TUBGCP3: variants seen among roughly 807,000 people sequenced by gnomAD.
TUBGCP3 encodes the protein gamma-tubulin complex component 3.
TUBGCP3 carries 50 observed loss-of-function variants against 123.1 expected under a neutral mutation model. The ratio of observed to expected loss-of-function variants is 0.41; its 90% CI spans 0.32 to 0.51. TUBGCP3 has a LOEUF of 0.51. TUBGCP3 is among the 20% of genes least tolerant of loss of function. The probability of loss-of-function intolerance (pLI) is 0.36; values close to 1 mark genes in which losing one functional copy is unlikely to be tolerated. For synonymous variants in TUBGCP3, 405 were observed against 413.9 expected, an observed-to-expected ratio of 0.98 and a Z score of 0.26; for missense variants, 882 against 1,127.0, an observed-to-expected ratio of 0.78 and a Z score of 3.11.
rs1395008363 is a variant in TUBGCP3, at chr13:112,556,145, T to C, written c.628A>G (p.Asn210Asp). Residue 210 changes from asparagine (N) to aspartate (D), a missense_variant, in exon 6 of 22, where the codon AAT becomes GAT. Transcript: ENST00000261965. ...GSRLAWTLTA[N>D]QPSSQATTSK... ...GTAGTGGCTTGTGAAGAAGGCTGAT[T>C]TGCAGTTAAAGTCCATGCGAGTCGT... 1 of 1,614,144 alleles carries C rather than the reference T, an allele frequency of 6.2e-7. No homozygotes were observed. The highest frequency in any genetic ancestry group is 8.5e-7 in the Non-Finnish European group (1 of 1,180,012).
intron 17 of TUBGCP3, among the ~76,000 whole-genome samples, chr13:112,505,397 T>A (rs1881222526): frequency 6.6e-6 from 1 of 152,200 alleles, no homozygotes; most frequent in African/African-American, 2.4e-5. Context: ...ATAACACGGG[T>A]CAGCTTGGAC....
chr13:112,527,147 A>C, intron 12 of TUBGCP3, 97 bp from the exon 13 acceptor site: 1 of 1,091,184 alleles, frequency 9.2e-7, no homozygotes, highest in Non-Finnish European at 1.3e-6. Context: ...CTATTGATTG[A>C]AAACTAACAA....
rs560771695 is a variant in TUBGCP3, at chr13:112,588,145, C to G, written c.-165G>C. 2.0e-6 allele frequency: 1 copy of G among 508,882 alleles called. No homozygotes were observed. Among genetic ancestry groups the G allele is most frequent in the South Asian group, 4.5e-5 (1 of 22,122 alleles). The allele number at this position is 508,882 out of a possible 1,614,324, so 31.5% of individuals were successfully genotyped here. On this transcript the variant is annotated 5_prime_UTR_variant, in exon 1 of 22. Coordinates refer to ENST00000261965, the MANE Select transcript of TUBGCP3 (RefSeq NM_006322.6). ...AGGGCGCCATTTTAACGGAACCCGC[C>G]GAAAGCGCGGGCGCTTCCCACAATG...
At chr13:112,586,016 C>T (rs1031778151) in intron 1 of TUBGCP3, among the ~76,000 whole-genome samples, 1 of 151,796 alleles carries the variant, frequency 6.6e-6, no homozygotes, top group Non-Finnish European at 1.5e-5. Flanking sequence ...GAGGCGGGTG[C>T]ATCACGAGGT....
intron 8 of TUBGCP3, 60 bp downstream of exon 8, chr13:112,553,997 C>A: frequency 6.4e-7 from 1 of 1,574,310 alleles, no homozygotes; most frequent in Non-Finnish European, 8.6e-7. Context: ...AAGATTTCAA[C>A]TAGAGTAAGC....
rs575827375 is a variant in TUBGCP3, at chr13:112,508,814, C to A, written c.2087-4100G>T. On this transcript the variant is annotated intron_variant, in intron 17 of 21. Coordinates refer to ENST00000261965, the MANE Select transcript of TUBGCP3 (RefSeq NM_006322.6). The surrounding 1 kb of genome is among the most constrained non-coding windows in gnomAD (Gnocchi z 4.2). The stretch of plus-strand genomic sequence containing the variant: ...GTCAGAGACCCAGGTGCCACTGAGA[C>A]TCCAACCACCTCCTGGCCTCCGTAC... 1.6e-4 allele frequency among the ~76,000 whole-genome samples: 24 copies of A among 152,256 alleles called. No individual in the cohort carries two copies. In the South Asian group the frequency reaches 2.7e-3, roughly 17 times the overall value.
At chr13:112,579,335 C>T (rs982947508) in intron 1 of TUBGCP3, among the ~76,000 whole-genome samples, 1 of 151,642 alleles carries the variant, frequency 6.6e-6, no homozygotes, top group Non-Finnish European at 1.5e-5. Flanking sequence ...GACAGTGGGG[C>T]CACGGCATCC....
chr13:112,539,317 C>T (rs1013702612), intron 11 of TUBGCP3, among the ~76,000 whole-genome samples: 4 of 152,142 alleles, frequency 2.6e-5, no homozygotes, highest in African/African-American at 9.7e-5. Flanking sequence ...AGACCCAAAT[C>T]AGACTTCAGA....
At position 112,545,915 on chromosome 13, in the gene TUBGCP3, A is replaced by G; in HGVS notation, c.1169-50T>C. ...CAAAAACATCCACATTTACACTCAT[A>G]GTACACACCAGTCACTTCTCACCAA... On this transcript the variant is annotated intron_variant, in intron 10 of 21. Transcript: ENST00000261965. This position sits in a 1 kb window ranked among gnomAD's most constrained non-coding sequence, Gnocchi z 4.1. 1.9e-6 allele frequency: 3 copies of G among 1,576,822 alleles called. No homozygotes were observed. The highest frequency in any genetic ancestry group is 1.1e-5 in the South Asian group (1 of 89,366).
chr13:112,585,402 A>G (rs12871552), intron 1 of TUBGCP3, among the ~76,000 whole-genome samples: 26 of 152,372 alleles, frequency 1.7e-4, no homozygotes, highest in Non-Finnish European at 2.9e-4. Context: ...TAAATGCTTG[A>G]CAATCCTAGC....
At chr13:112,557,729 A>G (rs548177909) in intron 5 of TUBGCP3, among the ~76,000 whole-genome samples, 5 of 152,362 alleles carry the variant, frequency 3.3e-5, no homozygotes, top group African/African-American at 7.2e-5. Flanking sequence ...ATCTTAATTC[A>G]TATGCACTAA....
intron 1 of TUBGCP3, 96 bp from the exon 2 acceptor site, chr13:112,569,355 T>G (rs1881225881): frequency 2.8e-6 from 3 of 1,060,080 alleles, no homozygotes; most frequent in Non-Finnish European, 4.2e-6. Context: ...AGTAATAACA[T>G]CTATCTTCCA....
chr13:112,581,048 C>T (rs973259811), intron 1 of TUBGCP3, among the ~76,000 whole-genome samples: 2 of 152,008 alleles, frequency 1.3e-5, no homozygotes, highest in African/African-American at 4.8e-5. Context: ...ATCACACTCA[C>T]AACAGAACCC....
At chr13:112,549,432 A>G (rs533057240) in intron 8 of TUBGCP3, among the ~76,000 whole-genome samples, 1 of 152,308 alleles carries the variant, frequency 6.6e-6, no homozygotes, top group South Asian at 2.1e-4. Context: ...ATGTATACAT[A>G]TGTAACAAAC....
At chr13:112,497,612 G>A (rs950843150) in intron 20 of TUBGCP3, among the ~76,000 whole-genome samples, 12 of 152,206 alleles carry the variant, frequency 7.9e-5, no homozygotes, top group Admixed American at 5.2e-4. Flanking sequence ...GAAACGCATC[G>A]TTAGGTGATT....
At chr13:112,486,634 G>A (rs1879689816) in intron 21 of TUBGCP3, among the ~76,000 whole-genome samples, 1 of 152,262 alleles carries the variant, frequency 6.6e-6, no homozygotes, top group Non-Finnish European at 1.5e-5. Context: ...ACGTGAGGCT[G>A]CAGCCGCCCT....
chr13:112,552,359 A>G (rs186301567), intron 8 of TUBGCP3, among the ~76,000 whole-genome samples: 1 of 152,358 alleles, frequency 6.6e-6, no homozygotes, highest in East Asian at 1.9e-4. Flanking sequence ...CTTCGGGAAA[A>G]GGGACAGGGA....
the TUBGCP3 span, among the ~76,000 whole-genome samples, chr13:112,595,285 C>G: frequency 5.5e-4 from 83 of 152,242 alleles, no homozygotes; most frequent in East Asian, 0.015. Context: ...CAAGCTCCAC[C>G]TCCCGGGTTC....
chr13:112,544,228 CAG>C (rs1878777696), intron 11 of TUBGCP3, among the ~76,000 whole-genome samples: 1 of 151,944 alleles, frequency 6.6e-6, no homozygotes, highest in Admixed American at 6.6e-5. Context: ...CCAAGGCGGG[CAG>C]ATCACAAGGT....
Sources: gnomAD v4.1 joint callset for allele counts (sites outside exome capture counted in the v4.1 genomes callset) on GRCh38, gnomAD v4.1.1 for gene constraint, Gnocchi (gnomAD v3.1) non-coding constraint, MANE v1.5 for transcripts, NCBI Gene and HGNC (gene_info 2026-07-23, HGNC 2026-07-21) for gene names.